The following CEP57L1 variants were observed in gnomAD, a reference collection of about 807,000 sequenced individuals.
CEP57L1 encodes the protein centrosomal protein 57 like 1, also known as centrosomal protein CEP57L1.
A neutral mutation model predicts 61.0 loss-of-function variants in CEP57L1; 37 were observed. The observed-to-expected ratio is 0.61, with a 90% CI of 0.47 to 0.80. The LOEUF (loss-of-function observed/expected upper bound fraction) is 0.80. Among genes scored for constraint, CEP57L1 ranks in the 30% least tolerant of loss-of-function variants. The probability of loss-of-function intolerance (pLI) is 0.00; values close to 1 mark genes in which losing one functional copy is unlikely to be tolerated. For missense variants in CEP57L1, 422 were observed against 524.7 expected (o/e 0.80, Z 1.91); for synonymous variants, 137 against 162.3 (o/e 0.84, Z 1.19).
At chr6:109,121,576 A>G (rs1772977022) in intron 1 of CEP57L1, among the ~76,000 whole-genome samples, 1 of 152,172 alleles carries the variant, frequency 6.6e-6, no homozygotes, top group Non-Finnish European at 1.5e-5. Flanking sequence ...TAGGATTGTA[A>G]ATCATCATCT....
intron 1 of CEP57L1, among the ~76,000 whole-genome samples, chr6:109,110,008 A>C (rs530212199): frequency 6.6e-6 from 1 of 152,138 alleles, no homozygotes; most frequent in Non-Finnish European, 1.5e-5. Flanking sequence ...ATACGTATGC[A>C]TGTGTCTTTA....
At chr6:109,122,139 A>G (rs1194928374) in intron 1 of CEP57L1, among the ~76,000 whole-genome samples, 3 of 152,078 alleles carry the variant, frequency 2.0e-5, no homozygotes, top group African/African-American at 2.4e-5. Context: ...ACTACTACCA[A>G]TCTGAGACTA....
In CEP57L1 at chr6:109,165,593, G is replaced by A. The variant is rs1474339107; in HGVS notation, c.*2623G>A. ...TCCTAGCCCAGGTTTCTAATGGGAG[G>A]GGGTAAAGAACACAGTCCTGTCATT... On this transcript the variant is annotated 3_prime_UTR_variant, in exon 11 of 11. Transcript: ENST00000517392. Among the ~76,000 whole-genome samples, 2 of 152,126 alleles carry A rather than the reference G, an allele frequency of 1.3e-5. No homozygotes were observed. The highest frequency in any genetic ancestry group is 2.9e-5 in the Non-Finnish European group (2 of 68,032).
chr6:109,108,015 A>G (rs1459925190), intron 1 of CEP57L1, among the ~76,000 whole-genome samples: 1 of 152,136 alleles, frequency 6.6e-6, no homozygotes, highest in African/African-American at 2.4e-5. Context: ...GAAATGTATG[A>G]AAACCTCAAA....
intron 2 of CEP57L1, 28 bp downstream of exon 2, chr6:109,145,409 G>A: frequency 2.1e-6 from 3 of 1,450,646 alleles, no homozygotes; most frequent in Middle Eastern, 1.8e-4. Flanking sequence ...TTTGAAGAAT[G>A]GTAAAAACAT....
intron 3 of CEP57L1, among the ~76,000 whole-genome samples, chr6:109,148,818 G>C (rs1405916854): frequency 6.6e-6 from 1 of 152,122 alleles, no homozygotes; most frequent in Non-Finnish European, 1.5e-5. Context: ...ATTCTAACTG[G>C]TGTGAGATGC....
In CEP57L1 at chr6:109,167,027, G is replaced by A. The variant is rs918185084; in HGVS notation, c.*4057G>A. 6.6e-6 allele frequency among the ~76,000 whole-genome samples: 1 copy of A among 152,100 alleles called. No individual in the cohort carries two copies. Among genetic ancestry groups the A allele is most frequent in the South Asian group, 2.1e-4 (1 of 4,836 alleles). On this transcript the variant is annotated 3_prime_UTR_variant, in exon 11 of 11. Transcript: ENST00000517392. Reference sequence around the variant, plus strand: ...CTGTGAGATTTTTAAAAAACTATGCGTGCCATTGCACCTTTTAATTAAAGT... The same window carrying A: ...CTGTGAGATTTTTAAAAAACTATGCATGCCATTGCACCTTTTAATTAAAGT...
intron 1 of CEP57L1, among the ~76,000 whole-genome samples, chr6:109,127,545 TA>T (rs1440327098): frequency 6.6e-6 from 1 of 152,144 alleles, no homozygotes; most frequent in Non-Finnish European, 1.5e-5. Flanking sequence ...TCCTTTTTTT[TA>T]ATCTCCTTTG....
In CEP57L1 at chr6:109,167,580, G is replaced by A. The variant is rs1341534561; in HGVS notation, c.*4610G>A. On this transcript the variant is annotated 3_prime_UTR_variant, in exon 11 of 11. Transcript: ENST00000517392. Reference sequence around the variant, plus strand: ...GCAGTCCAGCTACTCGGGAGGCTGAGGCAGGATAATTGCTTGAACCTGGGA... The same window carrying A: ...GCAGTCCAGCTACTCGGGAGGCTGAAGCAGGATAATTGCTTGAACCTGGGA... Among the ~76,000 whole-genome samples the A allele has an allele frequency of 6.6e-6, 1 of 152,136 alleles. No homozygotes were observed. Among genetic ancestry groups the A allele is most frequent in the Non-Finnish European group, 1.5e-5 (1 of 68,032 alleles).
At chr6:109,120,727 T>C (rs776334486) in intron 1 of CEP57L1, among the ~76,000 whole-genome samples, 9 of 152,292 alleles carry the variant, frequency 5.9e-5, no homozygotes, top group Non-Finnish European at 1.2e-4. Flanking sequence ...ACTTTCATAT[T>C]CAGTGGATTT....
rs1242131534 is a variant in CEP57L1 at position 109,161,903 on chromosome 6, C to T, written c.1162-846C>T. On this transcript the variant is annotated intron_variant, in intron 10 of 10. Transcript: ENST00000517392. ...TGTTAGCCAAATAGAGAACTAGGTA[C>T]TCCCCCAAAGTCTGGATCAGCTCTA... Among the ~76,000 whole-genome samples the T allele has an allele frequency of 2.0e-5, 3 of 151,988 alleles. No homozygotes were observed. The East Asian group carries it at 5.8e-4, about 29-fold the overall frequency.
Position 109,164,106 on chromosome 6 carries a change from C to T in CEP57L1, c.*1136C>T, listed in dbSNP as rs895599399. ...TTCCTAAGGGACAGAGTTGGAAGTA[C>T]ATATTTACTGAATTCTTTGAACCCA... On this transcript the variant is annotated 3_prime_UTR_variant, in exon 11 of 11. Coordinates refer to ENST00000517392, the MANE Select transcript of CEP57L1 (RefSeq NM_001271852.3). Among the ~76,000 whole-genome samples, 6 of 152,124 alleles carry T rather than the reference C, an allele frequency of 3.9e-5. No homozygotes were observed. The highest frequency in any genetic ancestry group is 8.8e-5 in the Non-Finnish European group (6 of 68,012).
chr6:109,162,796 T>G lies in CEP57L1; in HGVS notation c.1209T>G (p.Ala403=). The change falls in exon 11 of 11, where the codon GCT becomes GCG. Residue 403 remains alanine (A), a synonymous_variant. Coordinates refer to ENST00000517392, the MANE Select transcript of CEP57L1 (RefSeq NM_001271852.3). ...QKVQNSKMSE[A]SGIQQEDSYP... The stretch of plus-strand genomic sequence containing the variant: ...TTCAAAACTCAAAGATGAGTGAAGC[T>G]TCAGGTATTCAGCAAGAAGACAGCT... 1 of 1,613,292 alleles carries G rather than the reference T, an allele frequency of 6.2e-7. No individual in the cohort carries two copies. The highest frequency in any genetic ancestry group is 1.3e-5 in the African/African-American group (1 of 74,978).
intron 9 of CEP57L1, among the ~76,000 whole-genome samples, chr6:109,159,882 A>T (rs1408300899): frequency 6.6e-6 from 1 of 152,168 alleles, no homozygotes; most frequent in Non-Finnish European, 1.5e-5. Flanking sequence ...TAAAACTCAC[A>T]AAAGCTTTTA....
chr6:109,148,710 G>GT (rs1283326811), intron 3 of CEP57L1, among the ~76,000 whole-genome samples: 1 of 152,096 alleles, frequency 6.6e-6, no homozygotes, highest in African/African-American at 2.4e-5. Flanking sequence ...TTCCACAATG[G>GT]TTGAACTAGT....
rs1481562804 is a variant in CEP57L1 at position 109,152,270 on chromosome 6, T to TC, written c.463-1560dup. Reference sequence around the variant, plus strand: ...ATCTTGGCTCACTGCAACCTCCACCTCCCTGGTTCAAGCAATTCTCCTGCC... The same window carrying TC: ...ATCTTGGCTCACTGCAACCTCCACCTCCCCTGGTTCAAGCAATTCTCCTGCC... On this transcript the variant is annotated intron_variant, in intron 4 of 10. Coordinates refer to ENST00000517392, the MANE Select transcript of CEP57L1 (RefSeq NM_001271852.3). Among the ~76,000 whole-genome samples, 7 of 152,332 alleles carry TC rather than the reference T, an allele frequency of 4.6e-5. No homozygotes were observed. In the East Asian group the frequency reaches 1.3e-3, roughly 29 times the overall value.
intron 1 of CEP57L1, among the ~76,000 whole-genome samples, chr6:109,111,247 T>G (rs1459114573): frequency 6.6e-6 from 1 of 152,232 alleles, no homozygotes; most frequent in African/African-American, 2.4e-5. Context: ...TTTACATCCC[T>G]TGTAAGTTGT....
At chr6:109,125,511 T>TATATATATATATATATACAC (rs1329271845) in intron 1 of CEP57L1, among the ~76,000 whole-genome samples, 16 of 140,842 alleles carry the variant, frequency 1.1e-4, no homozygotes, top group African/African-American at 4.3e-4. Flanking sequence ...TATATATACA[T>TATATATATATATATATACAC]ATATATATAT....
At chr6:109,111,289 T>G (rs1771584147) in intron 1 of CEP57L1, among the ~76,000 whole-genome samples, 1 of 152,210 alleles carries the variant, frequency 6.6e-6, no homozygotes, top group Non-Finnish European at 1.5e-5. Flanking sequence ...TTTGTAGCAA[T>G]TGTGAATGGG....
Sources: gnomAD v4.1 joint callset for allele counts (sites outside exome capture counted in the v4.1 genomes callset) on GRCh38, gnomAD v4.1.1 for gene constraint, MANE v1.5 for transcripts, NCBI Gene and HGNC (gene_info 2026-07-23, HGNC 2026-07-21) for gene names.